DCTPP1: variants seen among roughly 807,000 people sequenced by gnomAD.
DCTPP1 encodes the protein dCTP pyrophosphatase 1.
A neutral mutation model predicts 8.8 loss-of-function variants in DCTPP1; 8 were observed. The ratio of observed to expected loss-of-function variants is 0.91; its 90% CI spans 0.54 to 1.64. The LOEUF (loss-of-function observed/expected upper bound fraction) is 1.64, where lower values mean the gene tolerates loss of function less well. Ranked by LOEUF, DCTPP1 falls within the 40% of genes most tolerant of loss-of-function variation. The pLI, the probability that DCTPP1 is intolerant of heterozygous loss-of-function variation, is 0.00. For synonymous variants in DCTPP1, 85 were observed against 92.1 expected (o/e 0.92, Z 0.44); for missense variants, 231 against 230.4 (o/e 1.00, Z -0.02).
At chr16:30,425,981 C>G (rs570836296) in intron 2 of DCTPP1, among the ~76,000 whole-genome samples, 1 of 152,310 alleles carries the variant, frequency 6.6e-6, no homozygotes, top group Non-Finnish European at 1.5e-5. Flanking sequence ...GCCCCCCACT[C>G]TCACTCCCCG....
At position 30,424,113 on chromosome 16, in the gene DCTPP1, C is replaced by T; in HGVS notation, c.*120G>A. The T allele has an allele frequency of 2.1e-5, 27 of 1,272,506 alleles. No individual in the cohort carries two copies. Among genetic ancestry groups the T allele is most frequent in the Non-Finnish European group, 2.6e-5 (25 of 944,230 alleles). 78.8% of individuals were successfully genotyped at this position (1,272,506 alleles called of 1,614,324 possible). A position where few individuals can be genotyped will look rare whatever the true frequency, so the allele number is the denominator to read the frequency against. ...CTAGAGGCTGCTGGGCCTCAGACCT[C>T]AAGAAGTGGAGGCCTCAGGCCCATG... On this transcript the variant is annotated 3_prime_UTR_variant, in exon 3 of 3. Coordinates refer to ENST00000319285, the MANE Select transcript of DCTPP1 (RefSeq NM_024096.2).
At chr16:30,426,482 T>TG (rs1409616491) in intron 2 of DCTPP1, among the ~76,000 whole-genome samples, 1 of 150,020 alleles carries the variant, frequency 6.7e-6, no homozygotes, top group East Asian at 2.0e-4. Flanking sequence ...GCCGGTTTTT[T>TG]TTTTTTTTTG....
chr16:30,428,252 A>G (rs1456396535), intron 2 of DCTPP1, among the ~76,000 whole-genome samples: 2 of 152,136 alleles, frequency 1.3e-5, no homozygotes, highest in African/African-American at 4.8e-5. Flanking sequence ...ACGTGTGCCT[A>G]TTGAGCGCCT....
chr16:30,429,994 G>A lies in DCTPP1; in HGVS notation c.-14C>T, dbSNP rs748087811. 3 of 1,491,756 alleles carry A rather than the reference G, an allele frequency of 2.0e-6. No homozygotes were observed. The highest frequency in any genetic ancestry group is 2.6e-5 in the South Asian group (2 of 76,528). 92.4% of individuals were successfully genotyped at this position (1,491,756 alleles called of 1,614,324 possible). A position where few individuals can be genotyped will look rare whatever the true frequency, so the allele number is the denominator to read the frequency against. On this transcript the variant is annotated 5_prime_UTR_variant, in exon 1 of 3. Transcript: ENST00000319285. Reference sequence around the variant, plus strand: ...GGCCACAGACATGCCGCCCACCGCTGCACCGCGACTTCACGGAAAACCCAC... The same window carrying A: ...GGCCACAGACATGCCGCCCACCGCTACACCGCGACTTCACGGAAAACCCAC...
At chr16:30,428,677 G>T (rs115499527) in intron 2 of DCTPP1, among the ~76,000 whole-genome samples, 54 of 152,258 alleles carry the variant, frequency 3.5e-4, no homozygotes, top group East Asian at 1.4e-3. Context: ...GGCTGAGACA[G>T]AACTGCTTAA....
At chr16:30,429,531 T>C (rs531040694) in intron 1 of DCTPP1, 10 of 403,084 alleles carry the variant, frequency 2.5e-5, no homozygotes, top group African/African-American at 1.9e-4. Context: ...TTTCTTGACC[T>C]CCTCCAGCAA....
At chr16:30,428,413 G>A (rs2050206094) in intron 2 of DCTPP1, among the ~76,000 whole-genome samples, 1 of 152,204 alleles carries the variant, frequency 6.6e-6, no homozygotes, top group Non-Finnish European at 1.5e-5. Context: ...TAGTTCCCAT[G>A]TCTGGAATGC....
At position 30,429,124 on chromosome 16, in the gene DCTPP1, G is replaced by GTT. The variant is rs778652830; in HGVS notation, c.143_144dup (p.Gln49AsnfsTer59). 6.2e-7 allele frequency: 1 copy of GTT among 1,614,036 alleles called. No homozygotes were observed. The highest frequency in any genetic ancestry group is 1.1e-5 in the South Asian group (1 of 91,034). On this transcript the variant is annotated frameshift_variant, in exon 2 of 3. Coordinates refer to ENST00000319285, the MANE Select transcript of DCTPP1 (RefSeq NM_024096.2). LOFTEE classifies it high-confidence loss of function. ...AGGAGATTCCGAGGCTGATGGAACT[G>GTT]TTCCCAGTCTCGTTCCGCAGCAAAC...
Position 30,424,375 on chromosome 16 carries a change from A to C in DCTPP1, c.371T>G (p.Ile124Ser). ...ATGGGCTGGGTAGCGTCGCCGGTTG[A>C]TGTCCATTTTGGAGAGCACTGCTAG... ...LPLAVLSKMDINRRRYPAHLA... is the reference protein window; with the variant it reads ...LPLAVLSKMDSNRRRYPAHLA... Residue 124 changes from isoleucine to serine, a missense_variant, in exon 3 of 3, where the codon ATC (isoleucine) becomes AGC (serine). Physicochemically the swap from Ile to Ser is moderately radical, Grantham distance 142. Transcript: ENST00000319285. The C allele has an allele frequency of 2.5e-6, 4 of 1,614,194 alleles. No individual in the cohort carries two copies. In the South Asian group the frequency reaches 4.4e-5, roughly 18 times the overall value.
chr16:30,429,263 G>A, intron 1 of DCTPP1, 96 bp from the exon 2 acceptor site: 1 of 1,197,922 alleles, frequency 8.3e-7, no homozygotes, highest in Non-Finnish European at 1.2e-6. Context: ...AATGGGGCCT[G>A]GGACCAGGAG....
intron 2 of DCTPP1, among the ~76,000 whole-genome samples, chr16:30,425,675 G>A (rs1386838546): frequency 6.6e-6 from 1 of 152,074 alleles, no homozygotes; most frequent in Non-Finnish European, 1.5e-5. Context: ...TAGGCATAGT[G>A]GCGCATGCCT....
rs1455802713 is a variant in DCTPP1 at position 30,429,074 on chromosome 16, C to T, written c.195G>A (p.Gly65=). 6 of 1,613,756 alleles carry T rather than the reference C, an allele frequency of 3.7e-6. No homozygotes were observed. The highest frequency in any genetic ancestry group is 5.1e-6 in the Non-Finnish European group (6 of 1,179,840). The change falls in exon 2 of 3, where the codon GGG becomes GGA. Residue 65 remains glycine, a synonymous_variant. Transcript: ENST00000319285. ...CTACTCACAAGAGTTCTGCCAGCTC[C>T]CCCACTTCCCCAACCAAGGCCAGGA... The part of the protein sequence containing the change: ...NLLLALVGEV[G]ELAELFQWKT...
At chr16:30,429,274 A>G in intron 1 of DCTPP1, 107 bp from the exon 2 acceptor site, 1 of 1,043,966 alleles carries the variant, frequency 9.6e-7, no homozygotes. Context: ...GGACCAGGAG[A>G]TTCTGCAACT....
chr16:30,423,921 C>G lies in DCTPP1; in HGVS notation c.*312G>C, dbSNP rs996417433. On this transcript the variant is annotated 3_prime_UTR_variant, in exon 3 of 3. Transcript: ENST00000319285. The stretch of plus-strand genomic sequence containing the variant: ...CTAGAAACCAGATCTCTCTGCCCTG[C>G]AGGCAAAAGGTACAACAGGGAAACA... The G allele has an allele frequency of 1.3e-5, 4 of 309,158 alleles. No individual in the cohort carries two copies. The highest frequency in any genetic ancestry group is 8.6e-5 in the African/African-American group (4 of 46,312). The allele number at this position is 309,158 out of a possible 1,614,324, so 19.2% of individuals were successfully genotyped here.
rs1176113717 is a variant in DCTPP1 at position 30,429,898 on chromosome 16, T to TCCGGGCTGAAGCTGAA, written c.67_82dup (p.Glu28ValfsTer18). 1.9e-6 allele frequency: 3 copies of TCCGGGCTGAAGCTGAA among 1,596,026 alleles called. No homozygotes were observed. In the African/African-American group the frequency reaches 4.1e-5, roughly 22 times the overall value. On this transcript the variant is annotated frameshift_variant, in exon 1 of 3. Coordinates refer to ENST00000319285, the MANE Select transcript of DCTPP1 (RefSeq NM_024096.2). LOFTEE classifies it high-confidence loss of function. Reference sequence around the variant, plus strand: ...TGCTTACATGTCCTCGAGCGTGGGCTCCGGGCTGAAGCTGAACCGGCCGGG... The same window carrying TCCGGGCTGAAGCTGAA: ...TGCTTACATGTCCTCGAGCGTGGGCTCCGGGCTGAAGCTGAACCGGGCTGAAGCTGAACCGGCCGGG...
At chr16:30,427,961 C>G (rs2050203357) in intron 2 of DCTPP1, among the ~76,000 whole-genome samples, 1 of 152,178 alleles carries the variant, frequency 6.6e-6, no homozygotes, top group Non-Finnish European at 1.5e-5. Flanking sequence ...CACCAGTACA[C>G]TCCAGCCTCA....
In DCTPP1 at chr16:30,429,914, A is replaced by G; in HGVS notation, c.67T>C (p.Phe23Leu). Residue 23 changes from phenylalanine to leucine, a missense_variant, in exon 1 of 3, where the codon TTC becomes CTC. Physicochemically the swap from Phe to Leu is conservative, Grantham distance 22. Transcript: ENST00000319285. ...GGEDTAAPGR[F>L]SFSPEPTLED... ...AGCGTGGGCTCCGGGCTGAAGCTGAACCGGCCGGGAGCAGCAGTGTCCTCT... is the reference window on the plus strand; with the variant it reads ...AGCGTGGGCTCCGGGCTGAAGCTGAGCCGGCCGGGAGCAGCAGTGTCCTCT... 1.3e-6 allele frequency: 2 copies of G among 1,593,728 alleles called. No individual in the cohort carries two copies. Among genetic ancestry groups the G allele is most frequent in the Admixed American group, 1.7e-5 (1 of 58,122 alleles).
chr16:30,429,820 C>G (rs1424287325), intron 1 of DCTPP1, 60 bp downstream of exon 1: 1 of 1,528,070 alleles, frequency 6.5e-7, no homozygotes, highest in African/African-American at 1.4e-5. Context: ...GAGGAACCCT[C>G]CCCAAAACGC....
chr16:30,423,982 G>A lies in DCTPP1; in HGVS notation c.*251C>T, dbSNP rs1020202290. ...TCTCAGAGGCACCCCTGGTACCCCC[G>A]TCATCACCTGCTGAGACAGAGAGCC... On this transcript the variant is annotated 3_prime_UTR_variant, in exon 3 of 3. Coordinates refer to ENST00000319285, the MANE Select transcript of DCTPP1 (RefSeq NM_024096.2). 5 of 508,102 alleles carry A rather than the reference G, an allele frequency of 9.8e-6. No homozygotes were observed. Among genetic ancestry groups the A allele is most frequent in the Admixed American group, 3.6e-5 (1 of 27,916 alleles). The allele number at this position is 508,102 out of a possible 1,614,324, so 31.5% of individuals were successfully genotyped here.
Sources: gnomAD v4.1 joint callset for allele counts (sites outside exome capture counted in the v4.1 genomes callset) on GRCh38, gnomAD v4.1.1 for gene constraint, MANE v1.5 for transcripts, NCBI Gene and HGNC (gene_info 2026-07-23, HGNC 2026-07-21) for gene names.